Variants in TRAK2 observed in about 807,000 individuals in gnomAD.
TRAK2 encodes the protein trafficking kinesin protein 2, also known as trafficking kinesin-binding protein 2.
TRAK2 carries 81 observed loss-of-function variants against 104.6 expected under a neutral mutation model. The observed-to-expected ratio is 0.77, with a 90% CI of 0.65 to 0.93. TRAK2 has a LOEUF of 0.93. Among genes scored for constraint, TRAK2 ranks in the 40% least tolerant of loss-of-function variants. The pLI, the probability that TRAK2 is intolerant of heterozygous loss-of-function variation, is 0.00. For missense variants in TRAK2, 1,002 were observed against 1,089.0 expected (o/e 0.92, Z 1.12); for synonymous variants, 406 against 394.4 (o/e 1.03, Z -0.35).
chr2:201,397,849 A>C, intron 6 of TRAK2: 1 of 554,432 alleles, frequency 1.8e-6, no homozygotes, highest in Non-Finnish European at 3.2e-6. Context: ...GTAACTACTT[A>C]GTTACTTGTG....
chr2:201,396,424 C>CTATA, intron 7 of TRAK2, among the ~76,000 whole-genome samples: 1 of 152,196 alleles, frequency 6.6e-6, no homozygotes, highest in South Asian at 2.1e-4. Context: ...ATGTAAAAGG[C>CTATA]TATATACAGT....
rs771836956 is a variant in TRAK2 at position 201,401,099 on chromosome 2, T to C, written c.287-5A>G. ...CCACCCTGTCTGTGCCTAGAACTAA[T>C]ATAGTTAAAAACAACTATTTATAGG... On this transcript the variant is annotated splice_polypyrimidine_tract_variant and splice_region_variant and intron_variant, in intron 3 of 15. Coordinates refer to ENST00000332624, the MANE Select transcript of TRAK2 (RefSeq NM_015049.3). 3 of 1,594,224 alleles carry C rather than the reference T, an allele frequency of 1.9e-6. No homozygotes were observed. Among genetic ancestry groups the C allele is most frequent in the Non-Finnish European group, 2.6e-6 (3 of 1,167,854 alleles).
intron 2 of TRAK2, among the ~76,000 whole-genome samples, chr2:201,408,773 G>A (rs1951618939): frequency 6.6e-6 from 1 of 152,102 alleles, no homozygotes; most frequent in South Asian, 2.1e-4. Flanking sequence ...AGTTCCAAAG[G>A]GATAAAATGA....
In TRAK2 at chr2:201,392,964, C is replaced by G; in HGVS notation, c.1058G>C (p.Arg353Thr). Residue 353 changes from arginine to threonine, a missense_variant, in exon 10 of 16, where the codon AGA (arginine) becomes ACA (threonine). Coordinates refer to ENST00000332624, the MANE Select transcript of TRAK2 (RefSeq NM_015049.3). ...SQEEIKELRS[R>T]SGPTAHLYFS... The stretch of plus-strand genomic sequence containing the variant: ...GTAGAGATGAGCAGTAGGGCCAGAT[C>G]TACTACGAAGTTCCTTTATTTCTTC... 6.2e-7 allele frequency: 1 copy of G among 1,613,730 alleles called. No individual in the cohort carries two copies. The highest frequency in any genetic ancestry group is 8.5e-7 in the Non-Finnish European group (1 of 1,179,830).
intron 1 of TRAK2, among the ~76,000 whole-genome samples, chr2:201,445,200 T>C (rs927791770): frequency 3.3e-5 from 5 of 152,152 alleles, no homozygotes; most frequent in Non-Finnish European, 7.4e-5. Context: ...TGTGAGTCAG[T>C]AGTAAAGCTA....
chr2:201,385,555 C>A (rs565115643), intron 14 of TRAK2, among the ~76,000 whole-genome samples: 2 of 152,246 alleles, frequency 1.3e-5, no homozygotes, highest in Admixed American at 1.3e-4. Flanking sequence ...TACAAACGTT[C>A]AAGAAACTAC....
At chr2:201,411,619 CT>C in intron 2 of TRAK2, 2 of 800,044 alleles carry the variant, frequency 2.5e-6, no homozygotes, top group Non-Finnish European at 4.5e-6. Context: ...TGAGGCAATA[CT>C]TTTCCAGTCA....
At chr2:201,397,724 G>A (rs190477428) in intron 6 of TRAK2, 144 bp from the exon 7 acceptor site, 164 of 613,472 alleles carry the variant, frequency 2.7e-4, no homozygotes, top group Middle Eastern at 1.7e-3. Context: ...ATCTCTACCT[G>A]GCTCATCCCT....
At chr2:201,449,667 G>C (rs931029939) in intron 1 of TRAK2, among the ~76,000 whole-genome samples, 2 of 126,064 alleles carry the variant, frequency 1.6e-5, no homozygotes, top group East Asian at 2.2e-4. Context: ...TTTTTTTTTT[G>C]AGATGGAGTC....
chr2:201,393,963 T>C (rs979547408), intron 9 of TRAK2, among the ~76,000 whole-genome samples: 1 of 152,218 alleles, frequency 6.6e-6, no homozygotes, highest in Non-Finnish European at 1.5e-5. Flanking sequence ...TTGTACAGGC[T>C]GGTCTCAAAT....
chr2:201,377,286 A>G lies in TRAK2; in HGVS notation c.*3257T>C, dbSNP rs1051362964. 1 of 152,236 alleles carries G rather than the reference A, an allele frequency of 6.6e-6. No individual in the cohort carries two copies. Among genetic ancestry groups the G allele is most frequent in the African/African-American group, 2.4e-5 (1 of 41,462 alleles). 9.4% of individuals were successfully genotyped at this position (152,236 alleles called of 1,614,324 possible). ...ATAGGGGCACAAAGAGCTGTTTGAC[A>G]AAGTCAAATCCCAGGTATCGAACAA... On this transcript the variant is annotated 3_prime_UTR_variant, in exon 16 of 16. Transcript: ENST00000332624.
intron 4 of TRAK2, among the ~76,000 whole-genome samples, chr2:201,400,446 T>A (rs1951541278): frequency 6.6e-6 from 1 of 151,974 alleles, no homozygotes. Context: ...ATGGCATACA[T>A]AGAAATCATT....
intron 2 of TRAK2, chr2:201,412,784 C>T (rs1951659594): frequency 8.5e-7 from 1 of 1,175,772 alleles, no homozygotes; most frequent in African/African-American, 1.5e-5. Flanking sequence ...GTAATATTTC[C>T]ATGTACCATT....
At chr2:201,394,953 A>C in intron 8 of TRAK2, 81 bp from the exon 9 acceptor site, 1 of 1,226,518 alleles carries the variant, frequency 8.2e-7, no homozygotes, top group Non-Finnish European at 1.2e-6. Flanking sequence ...ACATGTGAAG[A>C]ATTTCTCTCT....
chr2:201,395,861 T>A (rs1014518852), intron 7 of TRAK2, among the ~76,000 whole-genome samples: 1 of 152,182 alleles, frequency 6.6e-6, no homozygotes, highest in Admixed American at 6.5e-5. Context: ...TGAAAATTAA[T>A]CTTAACAAAT....
rs1952034674 is a variant in TRAK2, at chr2:201,451,359, T to G, written c.-209A>C. On this transcript the variant is annotated 5_prime_UTR_variant, in exon 1 of 16. Coordinates refer to ENST00000332624, the MANE Select transcript of TRAK2 (RefSeq NM_015049.3). ...CGGACAGCTTACTCACTGGAGTGGTTCGGCATCCTCTGTCGTCCGCCCGCG... is the reference window on the plus strand; with the variant it reads ...CGGACAGCTTACTCACTGGAGTGGTGCGGCATCCTCTGTCGTCCGCCCGCG... 1 of 152,110 alleles carries G rather than the reference T, an allele frequency of 6.6e-6. No homozygotes were observed. The highest frequency in any genetic ancestry group is 2.4e-5 in the African/African-American group (1 of 41,432). 9.4% of individuals were successfully genotyped at this position (152,110 alleles called of 1,614,324 possible).
At chr2:201,450,772 T>A (rs865831477) in intron 1 of TRAK2, among the ~76,000 whole-genome samples, 1 of 152,006 alleles carries the variant, frequency 6.6e-6, no homozygotes, top group African/African-American at 2.4e-5. Flanking sequence ...CCTATTATTA[T>A]GACGCAGATT....
Position 201,387,822 on chromosome 2 carries a change from G to T in TRAK2, c.1577C>A (p.Thr526Asn), listed in dbSNP as rs754938697. The T allele has an allele frequency of 1.2e-6, 2 of 1,614,190 alleles. No homozygotes were observed. The highest frequency in any genetic ancestry group is 1.1e-5 in the South Asian group (1 of 91,084). The change falls in exon 13 of 16, where the codon ACC becomes AAC. Residue 526 changes from threonine to asparagine, a missense_variant. Physicochemically the swap from Thr to Asn is moderately conservative, Grantham distance 65. Transcript: ENST00000332624. ...GAGAGAGGCAAGGCTCTCTGTCGGG[G>T]TGACACAGCCACTAACTCCTTCCTT... Reference protein sequence around the residue: ...DQKEGVSGCVTPTESLASLCT... With the variant: ...DQKEGVSGCVNPTESLASLCT...
At chr2:201,395,020 G>C in intron 8 of TRAK2, 148 bp from the exon 9 acceptor site, 1 of 710,058 alleles carries the variant, frequency 1.4e-6, no homozygotes. Flanking sequence ...AATAAGATAG[G>C]CATTCGAATA....
Sources: gnomAD v4.1 joint callset for allele counts (sites outside exome capture counted in the v4.1 genomes callset) on GRCh38, gnomAD v4.1.1 for gene constraint, MANE v1.5 for transcripts, NCBI Gene and HGNC (gene_info 2026-07-23, HGNC 2026-07-21) for gene names.